The following LEKR1 variants were observed in gnomAD, a reference collection of about 807,000 sequenced individuals.
LEKR1 encodes the protein leucine, glutamate and lysine rich 1, also known as protein LEKR1.
A neutral mutation model predicts 72.4 loss-of-function variants in LEKR1; 59 were observed. The ratio of observed to expected loss-of-function variants is 0.82; its 90% CI spans 0.66 to 1.01. The LOEUF (loss-of-function observed/expected upper bound fraction) is 1.01. Ranked by LOEUF, LEKR1 falls within the 50% of genes least tolerant of loss-of-function variation. LEKR1 has a pLI of 0.00. For synonymous variants in LEKR1, 257 were observed against 263.2 expected (o/e 0.98, Z 0.23); for missense variants, 728 against 759.2 (o/e 0.96, Z 0.48).
chr3:156,943,140 G>A (rs921421860), intron 6 of LEKR1, among the ~76,000 whole-genome samples: 4 of 151,950 alleles, frequency 2.6e-5, no homozygotes, highest in Non-Finnish European at 2.9e-5. Context: ...AGAGGAATGA[G>A]TGTCTTGACA....
At chr3:156,853,178 A>C (rs868605758) in intron 3 of LEKR1, 196 bp downstream of exon 3, 2 of 317,762 alleles carry the variant, frequency 6.3e-6, no homozygotes, top group Middle Eastern at 8.7e-4. Flanking sequence ...TATATTTACT[A>C]TCTGAAAAAT....
At chr3:157,042,058 G>C (rs1355802173) in intron 12 of LEKR1, among the ~76,000 whole-genome samples, 1 of 152,078 alleles carries the variant, frequency 6.6e-6, no homozygotes, top group African/African-American at 2.4e-5. Context: ...TAATTGAATA[G>C]ATTATAAATC....
intron 9 of LEKR1, among the ~76,000 whole-genome samples, chr3:157,006,873 T>C (rs1013757686): frequency 4.7e-5 from 2 of 42,708 alleles, no homozygotes; most frequent in African/African-American, 7.5e-5. Context: ...AACCAAAGTA[T>C]TGATTGCCTG....
chr3:156,934,804 CATAT>C (rs542404760), intron 5 of LEKR1, among the ~76,000 whole-genome samples: 6 of 150,690 alleles, frequency 4.0e-5, no homozygotes, highest in African/African-American at 1.5e-4. Context: ...TCTTTCTGTG[CATAT>C]ATATATATAC....
chr3:157,044,535 T>G (rs1460518391), intron 12 of LEKR1, among the ~76,000 whole-genome samples: 1 of 152,220 alleles, frequency 6.6e-6, no homozygotes, highest in East Asian at 1.9e-4. Context: ...TCCAGATAGA[T>G]CTATTAAAAA....
intron 12 of LEKR1, among the ~76,000 whole-genome samples, chr3:157,038,674 G>A (rs1735133689): frequency 6.6e-6 from 1 of 152,182 alleles, no homozygotes; most frequent in African/African-American, 2.4e-5. Flanking sequence ...TCTAAAGAAA[G>A]ACTGTATTTA....
intron 9 of LEKR1, among the ~76,000 whole-genome samples, chr3:157,004,429 A>G (rs1732256323): frequency 1.3e-5 from 2 of 152,170 alleles, no homozygotes; most frequent in South Asian, 4.1e-4. Flanking sequence ...TAATAGGACA[A>G]TCAGTAGGCT....
At chr3:157,024,191 C>T (rs947728011) in intron 10 of LEKR1, among the ~76,000 whole-genome samples, 12 of 152,126 alleles carry the variant, frequency 7.9e-5, no homozygotes, top group African/African-American at 2.4e-4. Context: ...ATTATAAAAT[C>T]GAAAAATCAT....
chr3:156,840,980 T>C (rs1008100076), intron 2 of LEKR1, among the ~76,000 whole-genome samples: 2 of 152,218 alleles, frequency 1.3e-5, no homozygotes, highest in African/African-American at 4.8e-5. Context: ...AAACAAAATC[T>C]ACACGAATCA....
intron 10 of LEKR1, among the ~76,000 whole-genome samples, chr3:157,020,799 T>C (rs1733773992): frequency 6.6e-6 from 1 of 152,104 alleles, no homozygotes; most frequent in African/African-American, 2.4e-5. Context: ...TACCCAGTAA[T>C]GGGATTGCTG....
At chr3:156,882,633 C>G (rs1352321866) in intron 3 of LEKR1, among the ~76,000 whole-genome samples, 4 of 152,166 alleles carry the variant, frequency 2.6e-5, no homozygotes, top group African/African-American at 4.8e-5. Flanking sequence ...ACCATTTGAC[C>G]TAGCCATCCC....
chr3:156,839,540 T>C (rs574040902), intron 2 of LEKR1, among the ~76,000 whole-genome samples: 21 of 152,246 alleles, frequency 1.4e-4, no homozygotes, highest in Middle Eastern at 3.4e-3. Flanking sequence ...ATTGTGGATA[T>C]GGCAAAAAAG....
At chr3:156,959,545 C>A (rs1162272224) in intron 6 of LEKR1, among the ~76,000 whole-genome samples, 1 of 152,124 alleles carries the variant, frequency 6.6e-6, no homozygotes, top group Non-Finnish European at 1.5e-5. Context: ...GCCCCACCTT[C>A]TATCCCACCA....
chr3:156,863,629 T>C (rs1717002578), intron 3 of LEKR1, among the ~76,000 whole-genome samples: 1 of 152,114 alleles, frequency 6.6e-6, no homozygotes, highest in African/African-American at 2.4e-5. Context: ...TTGACTAAAG[T>C]ATGATCCACA....
At chr3:156,896,801 G>T (rs1481906933) in intron 3 of LEKR1, among the ~76,000 whole-genome samples, 1 of 152,154 alleles carries the variant, frequency 6.6e-6, no homozygotes, top group African/African-American at 2.4e-5. Flanking sequence ...CAAGCTAAAT[G>T]CCCATCAGCA....
rs1232222103 is a variant in LEKR1, at chr3:156,849,878, C to T, written c.49-2890C>T. Among the ~76,000 whole-genome samples, 5 of 152,236 alleles carry T rather than the reference C, an allele frequency of 3.3e-5. No homozygotes were observed. In the East Asian group the frequency reaches 9.6e-4, roughly 29 times the overall value. ...GACTTCATGTCTAAAACACCAAAAG[C>T]AATGGCAACAAAAGACAAAATTGAC... On this transcript the variant is annotated intron_variant, in intron 2 of 12. Coordinates refer to ENST00000356539, the MANE Select transcript of LEKR1 (RefSeq NM_001004316.3).
intron 11 of LEKR1, 118 bp downstream of exon 11, chr3:157,025,042 G>C (rs919773076): frequency 4.5e-6 from 3 of 668,428 alleles, no homozygotes; most frequent in Admixed American, 3.3e-5. Context: ...TGGTCACTGT[G>C]TCTTGGTTTT....
chr3:156,854,275 C>T (rs1006008004), intron 3 of LEKR1, among the ~76,000 whole-genome samples: 1 of 150,832 alleles, frequency 6.6e-6, no homozygotes, highest in Non-Finnish European at 1.5e-5. Context: ...TCACAAGTAG[C>T]TGGGATTACA....
intron 2 of LEKR1, among the ~76,000 whole-genome samples, chr3:156,844,613 A>G (rs760156185): frequency 3.6e-4 from 54 of 151,796 alleles, no homozygotes; most frequent in Non-Finnish European, 1.0e-4. Context: ...GGAATCATGT[A>G]GTGTGTAATA....
Sources: gnomAD v4.1 joint callset for allele counts (sites outside exome capture counted in the v4.1 genomes callset) on GRCh38, gnomAD v4.1.1 for gene constraint, MANE v1.5 for transcripts, NCBI Gene and HGNC (gene_info 2026-07-23, HGNC 2026-07-21) for gene names.